RCAN2: variants seen among roughly 807,000 people sequenced by gnomAD.
The protein encoded by RCAN2 is calcipressin-2.
RCAN2 carries 9 observed loss-of-function variants against 23.6 expected under a neutral mutation model. That is an observed-to-expected ratio of 0.38 (90% CI 0.23 to 0.67). RCAN2 has a LOEUF of 0.67. Among genes scored for constraint, RCAN2 ranks in the 30% least tolerant of loss-of-function variants. RCAN2 has a pLI of 0.51. For missense variants in RCAN2, 273 were observed against 302.3 expected (o/e 0.90, Z 0.72); for synonymous variants, 109 against 115.7 (o/e 0.94, Z 0.37).
intron 2 of RCAN2, among the ~76,000 whole-genome samples, chr6:46,432,337 C>T (rs1369086742): frequency 1.3e-5 from 2 of 152,158 alleles, no homozygotes; most frequent in Admixed American, 1.3e-4. Context: ...CCTCAGCCTC[C>T]CGGGTAGCTG....
chr6:46,341,512 G>A (rs1374359733), intron 2 of RCAN2, among the ~76,000 whole-genome samples: 2 of 152,162 alleles, frequency 1.3e-5, no homozygotes, highest in Non-Finnish European at 2.9e-5. Context: ...TAAAAGAAAG[G>A]CACTGGCCGG....
chr6:46,428,531 T>G (rs1340483197), intron 2 of RCAN2, among the ~76,000 whole-genome samples: 1 of 152,196 alleles, frequency 6.6e-6, no homozygotes, highest in Non-Finnish European at 1.5e-5. Context: ...CTGACTGGGA[T>G]TTTCTTTGGA....
intron 2 of RCAN2, among the ~76,000 whole-genome samples, chr6:46,302,273 G>C (rs923231087): frequency 4.6e-5 from 7 of 152,154 alleles, no homozygotes; most frequent in Admixed American, 1.3e-4. Flanking sequence ...GCTGACTTTG[G>C]GGGCAGGAGG....
chr6:46,399,707 C>T (rs1388292536), intron 2 of RCAN2, among the ~76,000 whole-genome samples: 1 of 151,916 alleles, frequency 6.6e-6, no homozygotes, highest in Non-Finnish European at 1.5e-5. Flanking sequence ...CAATCTCTGC[C>T]TTCATTTTTT....
chr6:46,262,792 C>T (rs1767156253), intron 2 of RCAN2, among the ~76,000 whole-genome samples: 3 of 152,242 alleles, frequency 2.0e-5, no homozygotes, highest in South Asian at 4.1e-4. Context: ...AGCCAAACTT[C>T]TCTTTACAGG....
intron 2 of RCAN2, among the ~76,000 whole-genome samples, chr6:46,408,442 A>G (rs1167441658): frequency 6.6e-6 from 1 of 152,160 alleles, no homozygotes; most frequent in Non-Finnish European, 1.5e-5. Flanking sequence ...CTATATTGCA[A>G]AAGAAGAGCT....
chr6:46,285,835 T>C (rs1457253098), intron 2 of RCAN2, among the ~76,000 whole-genome samples: 1 of 152,214 alleles, frequency 6.6e-6, no homozygotes, highest in Non-Finnish European at 1.5e-5. Context: ...GCCTACTTTT[T>C]CTAGAGGCAG....
intron 2 of RCAN2, among the ~76,000 whole-genome samples, chr6:46,257,946 T>C (rs1356208389): frequency 6.6e-6 from 1 of 152,208 alleles, no homozygotes; most frequent in Non-Finnish European, 1.5e-5. Context: ...AAAAGAACAG[T>C]GCTGACTTTG....
chr6:46,429,392 C>T (rs1767123676), intron 2 of RCAN2, among the ~76,000 whole-genome samples: 1 of 152,176 alleles, frequency 6.6e-6, no homozygotes, highest in African/African-American at 2.4e-5. Context: ...CAAATTACTA[C>T]AGAACTCTGC....
intron 2 of RCAN2, among the ~76,000 whole-genome samples, chr6:46,420,204 C>A (rs558685572): frequency 5.9e-4 from 89 of 151,378 alleles, no homozygotes; most frequent in Non-Finnish European, 1.2e-3. Context: ...AAGACTAGAG[C>A]ATTTAAACAA....
chr6:46,393,643 CA>C (rs1400611306), intron 2 of RCAN2, among the ~76,000 whole-genome samples: 1 of 152,116 alleles, frequency 6.6e-6, no homozygotes, highest in Admixed American at 6.6e-5. Context: ...AACTAGTTAC[CA>C]AAAGGATGGT....
chr6:46,449,932 C>G (rs555160975), intron 2 of RCAN2, among the ~76,000 whole-genome samples: 1 of 151,876 alleles, frequency 6.6e-6, no homozygotes, highest in South Asian at 2.1e-4. Flanking sequence ...GATATGACCC[C>G]AAAAGCACAG....
intron 4 of RCAN2, among the ~76,000 whole-genome samples, chr6:46,225,836 T>C (rs1765646068): frequency 6.6e-6 from 1 of 152,246 alleles, no homozygotes; most frequent in African/African-American, 2.4e-5. Flanking sequence ...TTGCTTCTGG[T>C]GTTTCAGTCA....
intron 4 of RCAN2, among the ~76,000 whole-genome samples, chr6:46,246,259 G>A (rs1700861730): frequency 6.6e-6 from 1 of 152,174 alleles, no homozygotes; most frequent in South Asian, 2.1e-4. Context: ...TAAAGTTAGA[G>A]GCTGCTGTGA....
chr6:46,479,525 A>G (rs1219585273), intron 1 of RCAN2, among the ~76,000 whole-genome samples: 3 of 150,690 alleles, frequency 2.0e-5, no homozygotes, highest in Non-Finnish European at 2.9e-5. Context: ...ACCTCAACAC[A>G]GGTGTCTTGG....
chr6:46,320,030 T>A (rs1763559972), intron 2 of RCAN2, among the ~76,000 whole-genome samples: 1 of 152,226 alleles, frequency 6.6e-6, no homozygotes. Context: ...TACTGAACGT[T>A]AATTACCATG....
At chr6:46,439,562 G>A (rs1317895192) in intron 2 of RCAN2, among the ~76,000 whole-genome samples, 1 of 152,106 alleles carries the variant, frequency 6.6e-6, no homozygotes, top group Non-Finnish European at 1.5e-5. Flanking sequence ...CAAAAAATGA[G>A]CAATCAGTGA....
chr6:46,483,343 C>A (rs545562024), intron 1 of RCAN2, among the ~76,000 whole-genome samples: 10 of 152,282 alleles, frequency 6.6e-5, no homozygotes, highest in Admixed American at 2.0e-4. Flanking sequence ...CCAAATCAGT[C>A]TGCATACACG....
At chr6:46,238,033 A>G (rs548883867) in intron 4 of RCAN2, among the ~76,000 whole-genome samples, 2 of 152,198 alleles carry the variant, frequency 1.3e-5, no homozygotes, top group South Asian at 4.1e-4. Context: ...CAGATTTGTG[A>G]ACAAAATAAA....
Sources: allele counts gnomAD v4.1 joint callset (sites outside exome capture counted in the v4.1 genomes callset), GRCh38; gene constraint gnomAD v4.1.1; transcripts MANE v1.5; gene names NCBI Gene and HGNC (gene_info 2026-07-23, HGNC 2026-07-21).